The following GTF3C5 variants were observed in gnomAD, a reference collection of about 807,000 sequenced individuals.
GTF3C5 encodes the protein general transcription factor IIIC subunit 5, also known as general transcription factor 3C polypeptide 5.
A neutral mutation model predicts 61.0 loss-of-function variants in GTF3C5; 47 were observed. That is an observed-to-expected ratio of 0.77 (90% CI 0.61 to 0.98). The LOEUF (loss-of-function observed/expected upper bound fraction) is 0.98. GTF3C5 is among the 50% of genes least tolerant of loss of function. The pLI is 0.00. For synonymous variants in GTF3C5, 295 were observed against 275.4 expected (o/e 1.07, Z -0.71); for missense variants, 659 against 703.3 (o/e 0.94, Z 0.71).
rs1195080332 is a variant in GTF3C5 at position 133,052,144 on chromosome 9, C to G, written c.853C>G (p.Pro285Ala). 3.1e-6 allele frequency: 5 copies of G among 1,592,790 alleles called. No individual in the cohort carries two copies. Among genetic ancestry groups the G allele is most frequent in the Non-Finnish European group, 4.3e-6 (5 of 1,163,424 alleles). ...VHPDKLKVLL[P>A]FIAYYMITGP... is the part of the protein sequence containing the mutation. ...CCCAGACAAGCTCAAGGTCTTGCTT[C>G]CCTTCATAGCCTATTACATGGTAAG... The change falls in exon 5 of 11, where the codon CCC (proline) becomes GCC (alanine). Residue 285 changes from proline (P) to alanine (A), a missense_variant. Pro to Ala is a conservative substitution (Grantham distance 27). Coordinates refer to ENST00000372097, the MANE Select transcript of GTF3C5 (RefSeq NM_012087.4).
chr9:133,038,281 G>A (rs149431770), intron 1 of GTF3C5, among the ~76,000 whole-genome samples: 1 of 152,194 alleles, frequency 6.6e-6, no homozygotes, highest in East Asian at 1.9e-4. Flanking sequence ...GTTGCTGGAC[G>A]GCGGCTGAAG....
intron 4 of GTF3C5, among the ~76,000 whole-genome samples, chr9:133,051,530 T>G (rs543745710): frequency 2.0e-4 from 31 of 152,222 alleles, no homozygotes; most frequent in Admixed American, 5.2e-4. Flanking sequence ...TGGGGCACAC[T>G]GTCAGTGGCT....
chr9:133,046,342 A>C (rs1352359123), intron 3 of GTF3C5, among the ~76,000 whole-genome samples: 1 of 152,140 alleles, frequency 6.6e-6, no homozygotes, highest in Non-Finnish European at 1.5e-5. Flanking sequence ...TAAACAAAAC[A>C]AAAAACAAAC....
At chr9:133,055,602 C>T in intron 8 of GTF3C5, 7 of 985,448 alleles carry the variant, frequency 7.1e-6, no homozygotes, top group Non-Finnish European at 6.0e-6. Context: ...CCCTGCTTTT[C>T]CCAGAAAAGA....
At chr9:133,045,114 T>C (rs1372153943) in intron 3 of GTF3C5, among the ~76,000 whole-genome samples, 4 of 152,208 alleles carry the variant, frequency 2.6e-5, no homozygotes, top group Non-Finnish European at 5.9e-5. Context: ...AAATCCAAGA[T>C]TGAATACTGT....
chr9:133,055,397 G>A (rs1829907116), intron 8 of GTF3C5: 1 of 1,290,938 alleles, frequency 7.7e-7, no homozygotes. Context: ...GTGATGCGAG[G>A]GACTTGCTGT....
At chr9:133,040,336 G>T (rs1850001155) in intron 1 of GTF3C5, among the ~76,000 whole-genome samples, 1 of 152,188 alleles carries the variant, frequency 6.6e-6, no homozygotes, top group South Asian at 2.1e-4. Context: ...CAGCTCACTA[G>T]CACGTAGGTG....
intron 1 of GTF3C5, among the ~76,000 whole-genome samples, chr9:133,039,871 G>A (rs1222138474): frequency 6.6e-6 from 1 of 152,144 alleles, no homozygotes; most frequent in African/African-American, 2.4e-5. Context: ...GAAAGTTTAG[G>A]TCAGACATCT....
Position 133,050,812 on chromosome 9 carries a change from GTGAGAATCTGA to G in GTF3C5, c.604_614del (p.Glu202TrpfsTer17), listed in dbSNP as rs746095214. ...GGCTACAACAATCCCCCCATCTCAG[GTGAGAATCTGA>G]TTGGCCTGAGCAGAGCCCGGCGCCC... On this transcript the variant is annotated frameshift_variant, in exon 4 of 11. Coordinates refer to ENST00000372097, the MANE Select transcript of GTF3C5 (RefSeq NM_012087.4). LOFTEE classifies it high-confidence loss of function. 1 of 1,613,922 alleles carries G rather than the reference GTGAGAATCTGA, an allele frequency of 6.2e-7. No individual in the cohort carries two copies. Among genetic ancestry groups the G allele is most frequent in the Admixed American group, 1.7e-5 (1 of 59,972 alleles).
chr9:133,039,784 A>T (rs746205139), intron 1 of GTF3C5, among the ~76,000 whole-genome samples: 4 of 152,194 alleles, frequency 2.6e-5, no homozygotes, highest in African/African-American at 4.8e-5. Flanking sequence ...ATACTTGTCA[A>T]ATGCACGATT....
intron 9 of GTF3C5, 120 bp downstream of exon 9, chr9:133,056,214 C>T (rs1434097510): frequency 1.2e-6 from 1 of 800,238 alleles, no homozygotes; most frequent in African/African-American, 1.7e-5. Context: ...ACTCGCCTGT[C>T]TGGGAGTTTG....
intron 7 of GTF3C5, 49 bp from the exon 8 acceptor site, chr9:133,054,663 C>A: frequency 1.3e-6 from 2 of 1,488,420 alleles, no homozygotes; most frequent in South Asian, 1.2e-5. Flanking sequence ...GGGAGAGACA[C>A]CTCCTCCCCA....
chr9:133,049,947 G>C (rs1850321401), intron 3 of GTF3C5, among the ~76,000 whole-genome samples: 1 of 152,136 alleles, frequency 6.6e-6, no homozygotes, highest in Admixed American at 6.5e-5. Flanking sequence ...GTCACCCAGT[G>C]TCCGTAGTTG....
At chr9:133,035,496 G>C (rs924400731) in intron 1 of GTF3C5, among the ~76,000 whole-genome samples, 2 of 152,130 alleles carry the variant, frequency 1.3e-5, no homozygotes, top group Admixed American at 1.3e-4. Context: ...ACATGGCTTG[G>C]GGTCCCCAGT....
chr9:133,054,415 C>T lies in GTF3C5; in HGVS notation c.996C>T (p.Ala332=). 6.2e-7 allele frequency: 1 copy of T among 1,614,082 alleles called. No individual in the cohort carries two copies. The highest frequency in any genetic ancestry group is 8.5e-7 in the Non-Finnish European group (1 of 1,179,988). ...RIRCGMKHGY[A]PSDLPVKAKR... is the part of the protein sequence containing the mutation. Reference sequence around the variant, plus strand: ...GCCCGCCCTCGCCTACAGGTTACGCCCCCAGTGACTTGCCGGTCAAAGCAA... The same window carrying T: ...GCCCGCCCTCGCCTACAGGTTACGCTCCCAGTGACTTGCCGGTCAAAGCAA... Residue 332 remains alanine (A), a synonymous_variant, in exon 7 of 11, where the codon GCC becomes GCT. Coordinates refer to ENST00000372097, the MANE Select transcript of GTF3C5 (RefSeq NM_012087.4).
In GTF3C5 at chr9:133,057,994, T is replaced by G; in HGVS notation, c.*14T>G. On this transcript the variant is annotated 3_prime_UTR_variant, in exon 11 of 11. Coordinates refer to ENST00000372097, the MANE Select transcript of GTF3C5 (RefSeq NM_012087.4). ...GACTACGTGTGACAGGGCCCAAGGC[T>G]GGGCCTCCCTGACCCGGCCAGACTG... 6.2e-7 allele frequency: 1 copy of G among 1,613,540 alleles called. No homozygotes were observed. Among genetic ancestry groups the G allele is most frequent in the Non-Finnish European group, 8.5e-7 (1 of 1,179,838 alleles).
chr9:133,031,980 T>C (rs1450640753), intron 1 of GTF3C5, among the ~76,000 whole-genome samples: 1 of 152,272 alleles, frequency 6.6e-6, no homozygotes, highest in Non-Finnish European at 1.5e-5. Flanking sequence ...GGTTAAACTT[T>C]AAAATGGAGA....
chr9:133,054,513 G>A (rs1420976515), intron 7 of GTF3C5, 25 bp downstream of exon 7: 1 of 1,606,822 alleles, frequency 6.2e-7, no homozygotes, highest in South Asian at 1.1e-5. Context: ...CGCCTTTTGT[G>A]GGTCATGAGT....
chr9:133,054,794 C>T lies in GTF3C5; in HGVS notation c.1152C>T (p.Ser384=), dbSNP rs1467407571. The T allele has an allele frequency of 6.3e-7, 1 of 1,575,458 alleles. No homozygotes were observed. Among genetic ancestry groups the T allele is most frequent in the Non-Finnish European group, 8.6e-7 (1 of 1,161,096 alleles). Residue 384 remains serine (S), a synonymous_variant, in exon 8 of 11, where the codon AGC becomes AGT. Coordinates refer to ENST00000372097, the MANE Select transcript of GTF3C5 (RefSeq NM_012087.4). The stretch of plus-strand genomic sequence containing the variant: ...GTGGTGCTCGGAAACCAGCTTCCAG[C>T]AAGTACAAGCTCAAGGTGGGCGCCC... ...GTSGARKPAS[S]KYKLKDSVYI...
Sources: allele counts gnomAD v4.1 joint callset (sites outside exome capture counted in the v4.1 genomes callset), GRCh38; gene constraint gnomAD v4.1.1; transcripts MANE v1.5; gene names NCBI Gene and HGNC (gene_info 2026-07-23, HGNC 2026-07-21).